The following NAV1 variants were observed in gnomAD, a reference collection of about 807,000 sequenced individuals.
NAV1 encodes the protein pore membrane and/or filament interacting like protein 3.
Under a neutral mutation model 175.2 loss-of-function variants are expected in NAV1, and 18 were observed. The observed-to-expected ratio is 0.10, with a 90% CI of 0.07 to 0.15. The LOEUF is 0.15. Among genes scored for constraint, NAV1 ranks in the 10% least tolerant of loss-of-function variants. NAV1 has a pLI of 1.00. For missense variants in NAV1, 1,731 were observed against 2,436.6 expected, an observed-to-expected ratio of 0.71 and a Z score of 6.10; for synonymous variants, 897 against 978.7, an observed-to-expected ratio of 0.92 and a Z score of 1.56.
At position 201,740,153 on chromosome 1, in the gene NAV1, C is replaced by G. The variant is rs1256377623; in HGVS notation, c.1226+21398C>G. 8.3e-7 allele frequency: 1 copy of G among 1,202,398 alleles called. No individual in the cohort carries two copies. The highest frequency in any genetic ancestry group is 1.6e-5 in the African/African-American group (1 of 62,730). The allele number at this position is 1,202,398 out of a possible 1,614,324, so 74.5% of individuals were successfully genotyped here. ...GGGTTTGTGGCACCCCCAGCCCCGC[C>G]GCAGCCCCCCAGTTCCGCCGCAGCT... is the stretch of plus-strand genomic sequence containing the variant. On this transcript the variant is annotated intron_variant, in intron 3 of 29. Transcript: ENST00000367296. This position sits in a 1 kb window ranked among gnomAD's most constrained non-coding sequence, Gnocchi z 4.7.
chr1:201,610,094 G>T (rs551401997), intron 2 of NAV1, among the ~76,000 whole-genome samples: 4 of 152,298 alleles, frequency 2.6e-5, no homozygotes, highest in African/African-American at 9.6e-5. Flanking sequence ...CTCTACTCAG[G>T]GTGAAGGAAG....
In NAV1 at chr1:201,705,298, G is replaced by A. The variant is rs150711329; in HGVS notation, c.758-7519G>A. Among the ~76,000 whole-genome samples, 14 of 152,308 alleles carry A rather than the reference G, an allele frequency of 9.2e-5. No individual in the cohort carries two copies. In the East Asian group the frequency reaches 1.3e-3, roughly 15 times the overall value. On this transcript the variant is annotated intron_variant, in intron 1 of 29. Transcript: ENST00000367296. ...CTGGCAGTTCCAGGCTGAGATGGCC[G>A]TGCATGCTCCTCTCTCTGGCCCCAG...
At chr1:201,814,429 T>C (rs1021669593) in intron 28 of NAV1, among the ~76,000 whole-genome samples, 1 of 152,064 alleles carries the variant, frequency 6.6e-6, no homozygotes, top group Non-Finnish European at 1.5e-5. Context: ...AAGGAACATG[T>C]CATTTTCTTA....
intron 24 of NAV1, 83 bp from the exon 29 acceptor site, chr1:201,811,520 A>T: frequency 6.5e-7 from 1 of 1,544,460 alleles, no homozygotes; most frequent in Non-Finnish European, 8.9e-7. Flanking sequence ...TAGATCTAGT[A>T]AGACTTCTTC....
intron 1 of NAV1, among the ~76,000 whole-genome samples, chr1:201,711,566 C>G (rs1397673518): frequency 2.0e-5 from 3 of 152,244 alleles, no homozygotes; most frequent in Non-Finnish European, 2.9e-5. Flanking sequence ...CGTTTGGCCT[C>G]TGCAGCAGCG....
In NAV1 at chr1:201,694,876, C is replaced by T. The variant is rs1403238306; in HGVS notation, c.758-17941C>T. ...CAGTCTCTTCAGCTGCCAAACGAAC[C>T]AAGAAGCTGCCTCACAGGATTACTG... On this transcript the variant is annotated intron_variant, in intron 1 of 29. Transcript: ENST00000367296. The surrounding 1 kb of genome is among the most constrained non-coding windows in gnomAD (Gnocchi z 4.2). Among the ~76,000 whole-genome samples, 1 of 152,184 alleles carries T rather than the reference C, an allele frequency of 6.6e-6. No individual in the cohort carries two copies. The highest frequency in any genetic ancestry group is 1.5e-5 in the Non-Finnish European group (1 of 68,040).
rs554085648 is a variant in NAV1 at position 201,753,534 on chromosome 1, T to C, written c.1227-26887T>C. ...AGAGAAACGGATTGGGGGTAATATT[T>C]TACCTTAATAGTGCTTCTCCAGTGA... On this transcript the variant is annotated intron_variant, in intron 3 of 29. Transcript: ENST00000367296. Among the ~76,000 whole-genome samples, 2 of 152,306 alleles carry C rather than the reference T, an allele frequency of 1.3e-5. 1 individual carries two copies. The highest frequency in any genetic ancestry group is 4.8e-5 in the African/African-American group (2 of 41,562).
intron 2 of NAV1, among the ~76,000 whole-genome samples, chr1:201,634,651 G>A (rs540073869): frequency 6.6e-6 from 1 of 152,258 alleles, no homozygotes; most frequent in East Asian, 1.9e-4. Flanking sequence ...GAGGAGGGAG[G>A]AGATTGACTT....
chr1:201,585,195 G>C (rs16865416), intron 1 of NAV1, among the ~76,000 whole-genome samples: 3 of 152,138 alleles, frequency 2.0e-5, no homozygotes, highest in Non-Finnish European at 4.4e-5. Flanking sequence ...GGTTCTGAAC[G>C]TGTGATGACT....
chr1:201,648,925 G>T (rs1406176933), exon 1 of NAV1: 1 of 1,612,916 alleles, frequency 6.2e-7, no homozygotes, highest in Admixed American at 1.7e-5. Context: ...TCCAACCTGC[G>T]CAAGCAGAAG....
At chr1:201,570,076 T>C (rs483763) in intron 1 of NAV1, among the ~76,000 whole-genome samples, 30,726 of 152,138 alleles carry the variant, frequency 0.2, 3,575 homozygotes, top group African/African-American at 0.33. Context: ...GGCACTATAG[T>C]CATCCGGGGT....
rs1678774882 is a variant in NAV1, at chr1:201,812,809, G to A, written c.5221+148G>A. ...GGCTTCAGACTTAGAACCACTTAAC[G>A]AGCCTTCCCAACACAGTTAGCACCA... On this transcript the variant is annotated intron_variant, in intron 27 of 29. Coordinates refer to ENST00000367296, the Ensembl canonical transcript of NAV1. This position sits in a 1 kb window ranked among gnomAD's most constrained non-coding sequence, Gnocchi z 4.6. 3 of 702,660 alleles carry A rather than the reference G, an allele frequency of 4.3e-6. No homozygotes were observed. The highest frequency in any genetic ancestry group is 1.8e-5 in the African/African-American group (1 of 55,526). 43.5% of individuals were successfully genotyped at this position (702,660 alleles called of 1,614,324 possible). A position where few individuals can be genotyped will look rare whatever the true frequency, so the allele number is the denominator to read the frequency against.
At position 201,819,914 on chromosome 1, in the gene NAV1, C is replaced by A. The variant is rs751724211; in HGVS notation, c.5616C>A (p.Asn1872Lys). Residue 1872 changes from asparagine to lysine, a missense_variant, in exon 30 of 30, where the codon AAC (asparagine) becomes AAA (lysine). Physicochemically the swap from Asn to Lys is moderately conservative, Grantham distance 94. Coordinates refer to ENST00000367296, the Ensembl canonical transcript of NAV1. ...ATCGAGAAACCATCCTGGACCCCAA[C>A]CTTCAGGCAACACTTTAAGGGTTCG... The A allele has an allele frequency of 9.3e-6, 15 of 1,614,062 alleles. No individual in the cohort carries two copies. In the Admixed American group the frequency reaches 1.3e-4, roughly 14 times the overall value.
intron 3 of NAV1, among the ~76,000 whole-genome samples, chr1:201,766,831 T>C (rs550635943): frequency 2.2e-4 from 34 of 152,172 alleles, no homozygotes; most frequent in African/African-American, 7.9e-4. Flanking sequence ...TTTTTTTGGT[T>C]TTTTGTGTTT....
chr1:201,621,479 G>C (rs186443870), upstream of NAV1, among the ~76,000 whole-genome samples: 1 of 151,506 alleles, frequency 6.6e-6, no homozygotes, highest in Non-Finnish European at 1.5e-5. Context: ...GATTACAGGC[G>C]TGCCACCACG....
rs1676912656 is a variant in NAV1, at chr1:201,788,523, C to T, written c.3051C>T (p.Thr1017=). The T allele has an allele frequency of 6.2e-7, 1 of 1,614,086 alleles. No homozygotes were observed. The highest frequency in any genetic ancestry group is 1.7e-5 in the Admixed American group (1 of 60,006). The change falls in exon 10 of 30, where the codon ACC becomes ACT. Residue 1017 remains threonine, a synonymous_variant. Transcript: ENST00000367296. The surrounding 1 kb of genome is among the most constrained non-coding windows in gnomAD (Gnocchi z 5.7). ...TCACCCGCTCCAACAGCATCCCCAC[C>T]CACGAGGCGGCCTTCGAGCTGTACA...
intron 1 of NAV1, among the ~76,000 whole-genome samples, chr1:201,665,109 G>A (rs115893059): frequency 0.019 from 2,938 of 152,228 alleles, 117 homozygotes; most frequent in African/African-American, 0.067. Flanking sequence ...AGAAGCACCA[G>A]CGTCCTCCCA....
At chr1:201,566,599 T>C (rs10920217) in intron 1 of NAV1, among the ~76,000 whole-genome samples, 45,564 of 151,980 alleles carry the variant, frequency 0.3, 9,238 homozygotes, top group African/African-American at 0.57. Context: ...CACACAGAAC[T>C]CTTCTTCCCT....
chr1:201,675,387 C>T (rs1034214986), intron 1 of NAV1, among the ~76,000 whole-genome samples: 5 of 152,188 alleles, frequency 3.3e-5, no homozygotes, highest in Non-Finnish European at 5.9e-5. Flanking sequence ...CCTTTCTGAC[C>T]GGGCACTTCT....
Sources: allele counts gnomAD v4.1 joint callset (sites outside exome capture counted in the v4.1 genomes callset), GRCh38; gene constraint gnomAD v4.1.1; non-coding constraint Gnocchi (gnomAD v3.1); transcripts MANE v1.5; gene names NCBI Gene and HGNC (gene_info 2026-07-23, HGNC 2026-07-21).